Variants in C12orf42 observed in about 807,000 individuals in gnomAD.
C12orf42 encodes the protein uncharacterized protein C12orf42.
C12orf42 carries 25 observed loss-of-function variants against 21.6 expected under a neutral mutation model. That is an observed-to-expected ratio of 1.16 (90% CI 0.84 to 1.62). The LOEUF is 1.62. C12orf42 is among the 40% of genes most tolerant of loss of function. The pLI, the probability that C12orf42 is intolerant of heterozygous loss-of-function variation, is 0.00. For missense variants in C12orf42, 483 were observed against 459.3 expected, an observed-to-expected ratio of 1.05 and a Z score of -0.47; for synonymous variants, 174 against 175.0, an observed-to-expected ratio of 0.99 and a Z score of 0.05.
At chr12:103,143,567 G>T in the C12orf42 span, among the ~76,000 whole-genome samples, 3 of 152,202 alleles carry the variant, frequency 2.0e-5, no homozygotes, top group Admixed American at 1.3e-4. Flanking sequence ...TGCTGGGATT[G>T]TTTTTGCAGA....
the C12orf42 span, among the ~76,000 whole-genome samples, chr12:103,228,898 G>T: frequency 6.7e-6 from 1 of 149,644 alleles, no homozygotes; most frequent in Non-Finnish European, 1.5e-5. Context: ...CTTCTCACTT[G>T]GGAATCTTGC....
chr12:103,521,489 A>G, the C12orf42 span, among the ~76,000 whole-genome samples: 3 of 152,280 alleles, frequency 2.0e-5, no homozygotes, highest in East Asian at 3.9e-4. Context: ...AGGAGAATAC[A>G]TGGACATAGG....
chr12:103,054,065 T>A, the C12orf42 span, among the ~76,000 whole-genome samples: 2 of 152,020 alleles, frequency 1.3e-5, no homozygotes, highest in Admixed American at 1.3e-4. Context: ...TTTTAGTTAA[T>A]TCAGTTTATT....
chr12:103,161,116 A>T, the C12orf42 span, among the ~76,000 whole-genome samples: 1 of 152,194 alleles, frequency 6.6e-6, no homozygotes, highest in Non-Finnish European at 1.5e-5. Flanking sequence ...ATAACTTTCC[A>T]AAGTGGGGCA....
chr12:103,256,938 T>A (rs1174573763), intron 10 of C12orf42, among the ~76,000 whole-genome samples: 1 of 152,200 alleles, frequency 6.6e-6, no homozygotes, highest in Admixed American at 6.5e-5. Flanking sequence ...TGACTTTTAA[T>A]AATAGCTATT....
Position 103,294,568 on chromosome 12 carries a change from A to AAAGGAAGGAAGGAAGGAAGGAAGG in C12orf42, n.338-17359_338-17358insCCTTCCTTCCTTCCTTCCTTCCTT, listed in dbSNP as rs763931253. Among the ~76,000 whole-genome samples the AAAGGAAGGAAGGAAGGAAGGAAGG allele has an allele frequency of 7.5e-5, 9 of 119,628 alleles. 1 individual carries two copies. The highest frequency in any genetic ancestry group is 2.6e-4 in the African/African-American group (8 of 31,294). 78.5% of individuals were successfully genotyped at this position (119,628 alleles called of 152,430 possible). ...AAGAAAGAAAGAAAGAAAGAAAAAG[A>AAAGGAAGGAAGGAAGGAAGGAAGG]AAGGAAGGAAGGAAGGAAAGAAAGA... On this transcript the variant is annotated intron_variant and non_coding_transcript_variant, in intron 4 of 6. Transcript: ENST00000546526.
upstream of C12orf42, among the ~76,000 whole-genome samples, chr12:103,498,063 C>G (rs1212310417): frequency 6.6e-6 from 1 of 151,700 alleles, no homozygotes; most frequent in Admixed American, 6.6e-5. Context: ...AGAGAGAAAA[C>G]TATTCATTTA....
chr12:103,246,843 G>A (rs1206040361), intron 10 of C12orf42, among the ~76,000 whole-genome samples: 3 of 151,976 alleles, frequency 2.0e-5, no homozygotes, highest in African/African-American at 7.2e-5. Flanking sequence ...TGAGCCCAGA[G>A]GCTCATTATT....
intron 2 of C12orf42, among the ~76,000 whole-genome samples, chr12:103,410,702 T>A (rs1000552056): frequency 6.6e-6 from 1 of 152,162 alleles, no homozygotes; most frequent in Non-Finnish European, 1.5e-5. Context: ...GCAGGGCAGG[T>A]GAAAACAGAG....
At chr12:103,334,508 C>T (rs530857453) in intron 4 of C12orf42, among the ~76,000 whole-genome samples, 27 of 152,240 alleles carry the variant, frequency 1.8e-4, no homozygotes, top group South Asian at 8.3e-4. Context: ...GTCAAAATTA[C>T]GCTGTGGCTT....
chr12:103,287,006 A>G (rs2036509651), intron 4 of C12orf42, among the ~76,000 whole-genome samples: 1 of 152,142 alleles, frequency 6.6e-6, no homozygotes, highest in African/African-American at 2.4e-5. Context: ...ACAATGAGAT[A>G]CCATCTCACA....
chr12:103,538,426 CA>C, the C12orf42 span, among the ~76,000 whole-genome samples: 2 of 152,174 alleles, frequency 1.3e-5, no homozygotes, highest in African/African-American at 4.8e-5. Context: ...TCCTCTGTCT[CA>C]GGGGCTGGAG....
intron 10 of C12orf42, among the ~76,000 whole-genome samples, chr12:103,238,317 G>T (rs759591939): frequency 6.6e-6 from 1 of 152,012 alleles, no homozygotes; most frequent in Non-Finnish European, 1.5e-5. Flanking sequence ...GGCCAGCAGA[G>T]CCTAAAATAC....
chr12:103,282,989 G>GCA (rs373979642), intron 4 of C12orf42, among the ~76,000 whole-genome samples: 1 of 152,114 alleles, frequency 6.6e-6, no homozygotes, highest in East Asian at 1.9e-4. Context: ...AATGACACAT[G>GCA]CACACACACA....
downstream of C12orf42, among the ~76,000 whole-genome samples, chr12:103,233,556 T>C (rs1183515436): frequency 2.6e-5 from 4 of 152,206 alleles, no homozygotes; most frequent in Non-Finnish European, 5.9e-5. Context: ...AGATTTATAC[T>C]GAAGTACTTA....
chr12:103,543,754 ATAT>A, the C12orf42 span, among the ~76,000 whole-genome samples: 1 of 152,134 alleles, frequency 6.6e-6, no homozygotes, highest in African/African-American at 2.4e-5. Flanking sequence ...ATTTACATGT[ATAT>A]TTACAACTTT....
At chr12:103,205,173 TTC>T in the C12orf42 span, among the ~76,000 whole-genome samples, 1 of 152,158 alleles carries the variant, frequency 6.6e-6, no homozygotes, top group Non-Finnish European at 1.5e-5. Flanking sequence ...AAAAACACTA[TTC>T]GTTGGAAAAT....
chr12:103,116,356 C>T, the C12orf42 span, among the ~76,000 whole-genome samples: 1 of 138,700 alleles, frequency 7.2e-6, no homozygotes, highest in Admixed American at 7.5e-5. Context: ...AAGAGTAAAT[C>T]TCCATCTCAC....
chr12:103,288,249 C>T (rs1182426235), intron 4 of C12orf42, among the ~76,000 whole-genome samples: 1 of 152,164 alleles, frequency 6.6e-6, no homozygotes, highest in Non-Finnish European at 1.5e-5. Context: ...TGGTGTCCTG[C>T]TGCTTAAACT....
Sources: allele counts gnomAD v4.1 joint callset (sites outside exome capture counted in the v4.1 genomes callset), GRCh38; gene constraint gnomAD v4.1.1; transcripts MANE v1.5; gene names NCBI Gene and HGNC (gene_info 2026-07-23, HGNC 2026-07-21).